NUP214: variants seen among roughly 807,000 people sequenced by gnomAD.
The protein encoded by NUP214 is nucleoporin 214.
A neutral mutation model predicts 196.2 loss-of-function variants in NUP214; 79 were observed. That is an observed-to-expected ratio of 0.40 (90% confidence interval 0.34 to 0.49). The LOEUF is 0.49. Ranked by LOEUF, NUP214 falls within the 20% of genes least tolerant of loss-of-function variation. NUP214 has a pLI of 0.58. For synonymous variants in NUP214, 1,020 were observed against 990.5 expected (o/e 1.03, Z -0.56); for missense variants, 2,468 against 2,539.0 (o/e 0.97, Z 0.60).
chr9:131,139,596 TC>T (rs1168531448), intron 10 of NUP214, among the ~76,000 whole-genome samples, 189 bp downstream of exon 10: 18 of 152,226 alleles, frequency 1.2e-4, no homozygotes, highest in Admixed American at 1.2e-3. Context: ...GAATGGATGT[TC>T]GTTGATGAGA....
intron 11 of NUP214, among the ~76,000 whole-genome samples, chr9:131,143,403 G>C (rs555154407): frequency 2.6e-5 from 4 of 151,880 alleles, no homozygotes; most frequent in African/African-American, 4.8e-5. Flanking sequence ...ATTCTTAGAA[G>C]AGAAATTACT....
At chr9:131,163,612 G>A (rs1832705703) in intron 19 of NUP214, among the ~76,000 whole-genome samples, 1 of 152,078 alleles carries the variant, frequency 6.6e-6, no homozygotes, top group Non-Finnish European at 1.5e-5. Context: ...TTGTGTTTAT[G>A]CTTTTAGGCC....
chr9:131,227,894 C>T (rs1040918352), intron 32 of NUP214, among the ~76,000 whole-genome samples: 1 of 150,388 alleles, frequency 6.6e-6, no homozygotes, highest in African/African-American at 2.5e-5. Flanking sequence ...CCTGAGTGGA[C>T]CCCAGAGCCC....
In NUP214 at chr9:131,146,943, G is replaced by A. The variant is rs934408929; in HGVS notation, c.1946-547G>A. ...GACTCTGTCTCAAAAAAAAAAAAAA[G>A]TACAGAGGAGAGAGTACCTGCAGTG... On this transcript the variant is annotated intron_variant, in intron 13 of 35. Transcript: ENST00000359428. This position sits in a 1 kb window ranked among gnomAD's most constrained non-coding sequence, Gnocchi z 4.6. 2.2e-4 allele frequency among the ~76,000 whole-genome samples: 32 copies of A among 142,604 alleles called. 1 individual carries two copies. Among genetic ancestry groups the A allele is most frequent in the East Asian group, 1.7e-3 (8 of 4,714 alleles). The allele number at this position is 142,604 out of a possible 152,430, so 93.6% of individuals were successfully genotyped here. A position where few individuals can be genotyped will look rare whatever the true frequency, so the allele number is the denominator to read the frequency against.
Position 131,198,667 on chromosome 9 carries a change from A to C in NUP214, c.5173A>C (p.Thr1725Pro), listed in dbSNP as rs1029021376. 8 of 1,614,036 alleles carry C rather than the reference A, an allele frequency of 5.0e-6. No homozygotes were observed. Among genetic ancestry groups the C allele is most frequent in the Non-Finnish European group, 6.8e-6 (8 of 1,180,020 alleles). Residue 1725 changes from threonine (T) to proline (P), a missense_variant, in exon 29 of 36, where the codon ACC becomes CCC. Physicochemically the swap from Thr to Pro is conservative, Grantham distance 38 (BLOSUM62 -1). Around this residue, in one of 5 missense-constraint regions of NUP214, gnomAD observed 1,801 missense variants for 1,779.4 expected, o/e 1.01. Coordinates refer to ENST00000359428, the MANE Select transcript of NUP214 (RefSeq NM_005085.4). ...TTAPGVFGQT[T>P]FGQASVFGQS... ...AGCCCCAGGGGTCTTTGGACAGACA[A>C]CCTTCGGGCAGGCCTCAGTCTTTGG...
chr9:131,229,819 A>G, intron 33 of NUP214: 1 of 504,372 alleles, frequency 2.0e-6, no homozygotes. Flanking sequence ...TGACCTCACC[A>G]TTAAAAGTGA....
intron 12 of NUP214, among the ~76,000 whole-genome samples, chr9:131,145,070 A>G (rs1234841353): frequency 6.6e-6 from 1 of 152,194 alleles, no homozygotes; most frequent in Non-Finnish European, 1.5e-5. Context: ...CAGAGTATGC[A>G]TCCTGGAAGG....
rs1588187072 is a variant in NUP214 at position 131,234,504 on chromosome 9, A to G, written c.*1017A>G. The stretch of plus-strand genomic sequence containing the variant: ...CAAACAAGGACCGTCTCGCATTGAA[A>G]ACAGATGTAAGAATTTCTCTTTCAG... On this transcript the variant is annotated 3_prime_UTR_variant, in exon 36 of 36. Transcript: ENST00000359428. 1 of 232,228 alleles carries G rather than the reference A, an allele frequency of 4.3e-6. No homozygotes were observed. The allele number at this position is 232,228 out of a possible 1,614,324, so 14.4% of individuals were successfully genotyped here. A position where few individuals can be genotyped will look rare whatever the true frequency, so the allele number is the denominator to read the frequency against.
Position 131,163,180 on chromosome 9 carries a change from A to T in NUP214, c.2723+7A>T. On this transcript the variant is annotated splice_region_variant and intron_variant, in intron 19 of 35. Transcript: ENST00000359428. ...CCCAGAGCAGCATTCACAGGTGTGG[A>T]GAGGACTTGCACTCAATAAATATGG... The T allele has an allele frequency of 6.2e-7, 1 of 1,605,844 alleles. No homozygotes were observed. The highest frequency in any genetic ancestry group is 8.5e-7 in the Non-Finnish European group (1 of 1,177,308).
chr9:131,184,500 A>AT (rs1833394702), intron 24 of NUP214, among the ~76,000 whole-genome samples: 1 of 149,116 alleles, frequency 6.7e-6, no homozygotes, highest in African/African-American at 2.5e-5. Flanking sequence ...CACCTGGCTA[A>AT]TTTTTTTGTA....
chr9:131,175,772 G>C (rs551599580), intron 23 of NUP214, 151 bp downstream of exon 23: 93 of 1,181,682 alleles, frequency 7.9e-5, no homozygotes, highest in Admixed American at 3.5e-4. Flanking sequence ...TTTGTGGAGA[G>C]AGTTCTAAGA....
Position 131,163,728 on chromosome 9 carries a change from T to G in NUP214, c.2724-142T>G, listed in dbSNP as rs1158066372. ...GTGATCTCACTTCTTTTAGATTAATTCCATCAGTTGGTCAGATGGCATGTT... is the reference window on the plus strand; with the variant it reads ...GTGATCTCACTTCTTTTAGATTAATGCCATCAGTTGGTCAGATGGCATGTT... On this transcript the variant is annotated intron_variant, in intron 19 of 35. Coordinates refer to ENST00000359428, the MANE Select transcript of NUP214 (RefSeq NM_005085.4). 4 of 680,722 alleles carry G rather than the reference T, an allele frequency of 5.9e-6. No individual in the cohort carries two copies. In the African/African-American group the frequency reaches 7.2e-5, roughly 12 times the overall value. 42.2% of individuals were successfully genotyped at this position (680,722 alleles called of 1,614,324 possible). A position where few individuals can be genotyped will look rare whatever the true frequency, so the allele number is the denominator to read the frequency against.
intron 33 of NUP214, chr9:131,229,323 G>C (rs1834807955): frequency 5.7e-6 from 1 of 175,784 alleles, no homozygotes; most frequent in Non-Finnish European, 1.2e-5. Flanking sequence ...CCTTAGGTTT[G>C]CCCTCAGGAA....
rs142539081 is a variant in NUP214, at chr9:131,154,849, G to T, written c.2436+2955G>T. Among the ~76,000 whole-genome samples the T allele has an allele frequency of 3.3e-5, 5 of 152,172 alleles. No homozygotes were observed. The East Asian group carries it at 7.7e-4, about 23-fold the overall frequency. On this transcript the variant is annotated intron_variant, in intron 17 of 35. Coordinates refer to ENST00000359428, the MANE Select transcript of NUP214 (RefSeq NM_005085.4). ...GTTGTGTGTGTGTGTGTGTGCGCAC[G>T]CGCACGCTCGCGTGTGTGTCACATT...
At chr9:131,229,483 G>C (rs1432384403) in intron 33 of NUP214, 2 of 337,852 alleles carry the variant, frequency 5.9e-6, no homozygotes, top group Non-Finnish European at 1.2e-5. Flanking sequence ...TGGGTTGGCT[G>C]GGTATCTTGT....
chr9:131,154,735 G>A (rs1486621376), intron 17 of NUP214, among the ~76,000 whole-genome samples: 2 of 152,226 alleles, frequency 1.3e-5, no homozygotes, highest in Admixed American at 1.3e-4. Context: ...CAATTCCTGA[G>A]TTACTTCACT....
chr9:131,227,883 T>C (rs1253101127), intron 32 of NUP214, among the ~76,000 whole-genome samples: 1 of 151,392 alleles, frequency 6.6e-6, no homozygotes, highest in Admixed American at 6.6e-5. Context: ...GCAGGAGCTC[T>C]CCTGAGTGGA....
intron 30 of NUP214, among the ~76,000 whole-genome samples, chr9:131,207,937 A>G: frequency 6.6e-6 from 1 of 152,218 alleles, no homozygotes. Flanking sequence ...CAAGCAAAAT[A>G]AATGACCAGT....
chr9:131,143,028 CA>C (rs1161430394), intron 11 of NUP214, among the ~76,000 whole-genome samples: 28 of 152,016 alleles, frequency 1.8e-4, no homozygotes, highest in Non-Finnish European at 1.2e-4. Flanking sequence ...ATTTTTGAGA[CA>C]GGGGTCTCAC....
Sources: allele counts gnomAD v4.1 joint callset (sites outside exome capture counted in the v4.1 genomes callset), GRCh38; gene constraint gnomAD v4.1.1; regional missense constraint gnomAD v4.1.1; non-coding constraint Gnocchi (gnomAD v3.1); transcripts MANE v1.5; gene names NCBI Gene and HGNC (gene_info 2026-07-23, HGNC 2026-07-21).